DAAM1: variants seen among roughly 807,000 people sequenced by gnomAD.
DAAM1 encodes dishevelled associated activator of morphogenesis 1, also known as disheveled-associated activator of morphogenesis 1.
In DAAM1, 52 loss-of-function variants were observed where a neutral mutation model predicts 130.0. The observed-to-expected ratio is 0.40, with a 90% CI of 0.32 to 0.50. The LOEUF (loss-of-function observed/expected upper bound fraction) is 0.50. DAAM1 is among the 20% of genes least tolerant of loss of function. The pLI is 0.61. For synonymous variants in DAAM1, 452 were observed against 444.5 expected (o/e 1.02, Z -0.21); for missense variants, 1,134 against 1,303.8 (o/e 0.87, Z 2.01).
chr14:59,253,606 T>C (rs145148204), intron 1 of DAAM1, among the ~76,000 whole-genome samples: 95 of 152,354 alleles, frequency 6.2e-4, no homozygotes, highest in Non-Finnish European at 1.9e-4. Flanking sequence ...TTACCAAGTA[T>C]GCCAAGAGCC....
At chr14:59,227,411 C>T (rs769757594) in intron 1 of DAAM1, among the ~76,000 whole-genome samples, 20 of 152,144 alleles carry the variant, frequency 1.3e-4, no homozygotes, top group Non-Finnish European at 2.6e-4. Context: ...TTCACTGAGA[C>T]GGCCATGAGA....
chr14:59,323,049 G>T lies in DAAM1; in HGVS notation c.598G>T (p.Ala200Ser). Residue 200 changes from alanine to serine, a missense_variant, in exon 6 of 25, where the codon GCT becomes TCT. Transcript: ENST00000360909. ...NNSQGRAHVL[A>S]HSESINVIAQ... is the part of the protein sequence containing the mutation. The stretch of plus-strand genomic sequence containing the variant: ...CTCTCAAGGCCGGGCTCACGTCCTG[G>T]CTCATTCTGAGAGTATTAATGTAAT... 3.1e-6 allele frequency: 5 copies of T among 1,614,068 alleles called. No individual in the cohort carries two copies. The highest frequency in any genetic ancestry group is 4.2e-6 in the Non-Finnish European group (5 of 1,179,992).
At chr14:59,224,393 C>T (rs1333077493) in intron 1 of DAAM1, among the ~76,000 whole-genome samples, 1 of 152,230 alleles carries the variant, frequency 6.6e-6, no homozygotes, top group Non-Finnish European at 1.5e-5. Flanking sequence ...GGTGGCACAT[C>T]TCTGTAAACC....
rs773505954 is a variant in DAAM1 at position 59,331,378 on chromosome 14, C to T, written c.1730C>T (p.Pro577Leu). ...PPLPPGGPPP[P>L]PGPPPLGAIM... ...CTCCCTCCAGGTGGCCCTCCTCCTCCCCCAGGGCCTCCTCCCTTAGGGGCA... is the reference window on the plus strand; with the variant it reads ...CTCCCTCCAGGTGGCCCTCCTCCTCTCCCAGGGCCTCCTCCCTTAGGGGCA... The change falls in exon 14 of 25, where the codon CCC becomes CTC. Residue 577 changes from proline (P) to leucine (L), a missense_variant. By Grantham distance (98) the Pro-to-Leu change is moderately conservative (BLOSUM62 -3). Around this residue, in one of 3 missense-constraint regions of DAAM1, gnomAD observed 644 missense variants for 695.9 expected, o/e 0.93. Coordinates refer to ENST00000360909, the MANE Select transcript of DAAM1 (RefSeq NM_001270520.2). 5 of 1,613,110 alleles carry T rather than the reference C, an allele frequency of 3.1e-6. No individual in the cohort carries two copies. In the African/African-American group the frequency reaches 6.7e-5, roughly 22 times the overall value.
At chr14:59,312,808 T>C (rs1472354572) in intron 3 of DAAM1, among the ~76,000 whole-genome samples, 2 of 152,232 alleles carry the variant, frequency 1.3e-5, no homozygotes, top group Non-Finnish European at 2.9e-5. Context: ...GTCAGTGTTC[T>C]TGAAGGCACT....
rs1443782606 is a variant in DAAM1, at chr14:59,331,321, C to T, written c.1673C>T (p.Pro558Leu). The change falls in exon 14 of 25, where the codon CCA becomes CTA. Residue 558 changes from proline (P) to leucine (L), a missense_variant. Coordinates refer to ENST00000360909, the MANE Select transcript of DAAM1 (RefSeq NM_001270520.2). Reference protein sequence around the residue: ...LLPPPPPPPLPGGMLPPPPPP... With the variant: ...LLPPPPPPPLLGGMLPPPPPP... ...CCTCCCCCACCACCCCCACCTCTACCAGGTGGGATGCTTCCCCCTCCACCG... is the reference window on the plus strand; with the variant it reads ...CCTCCCCCACCACCCCCACCTCTACTAGGTGGGATGCTTCCCCCTCCACCG... The T allele has an allele frequency of 6.2e-7, 1 of 1,610,942 alleles. No homozygotes were observed. The highest frequency in any genetic ancestry group is 8.5e-7 in the Non-Finnish European group (1 of 1,178,896).
intron 2 of DAAM1, among the ~76,000 whole-genome samples, chr14:59,277,150 A>G (rs902628177): frequency 1.3e-5 from 2 of 152,226 alleles, no homozygotes; most frequent in African/African-American, 4.8e-5. Context: ...TTTAGCTAAA[A>G]TCTCTGAAAA....
At chr14:59,219,194 C>T (rs1471481476) in intron 1 of DAAM1, among the ~76,000 whole-genome samples, 4 of 152,200 alleles carry the variant, frequency 2.6e-5, no homozygotes, top group Non-Finnish European at 5.9e-5. Flanking sequence ...CAAACTTAAG[C>T]CTGTTCTACA....
At chr14:59,321,781 A>G (rs962433309) in intron 5 of DAAM1, among the ~76,000 whole-genome samples, 3 of 152,246 alleles carry the variant, frequency 2.0e-5, no homozygotes, top group Non-Finnish European at 4.4e-5. Flanking sequence ...GTTATATGAC[A>G]GAGATCTAGA....
intron 1 of DAAM1, among the ~76,000 whole-genome samples, chr14:59,192,492 C>G (rs765794046): frequency 1.3e-5 from 2 of 152,128 alleles, no homozygotes; most frequent in African/African-American, 4.8e-5. Context: ...GGCTTCAAGC[C>G]GTGCTCTGGT....
At position 59,246,015 on chromosome 14, in the gene DAAM1, T is replaced by C. The variant is rs139913564; in HGVS notation, c.-37-17426T>C. On this transcript the variant is annotated intron_variant, in intron 1 of 24. Transcript: ENST00000360909. ...ATCTCTGATTAATTGAGATAATTAA[T>C]GGACTTAAAGTGCATTGAAAGTGCC... Among the ~76,000 whole-genome samples, 469 of 152,356 alleles carry C rather than the reference T, an allele frequency of 3.1e-3. 6 individuals carry two copies. The highest frequency in any genetic ancestry group is 0.01 in the African/African-American group (436 of 41,586).
At chr14:59,286,014 A>G (rs1883436793) in intron 2 of DAAM1, among the ~76,000 whole-genome samples, 2 of 152,132 alleles carry the variant, frequency 1.3e-5, no homozygotes, top group Admixed American at 6.6e-5. Flanking sequence ...TCAACCACAT[A>G]TTCAGCCATA....
intron 1 of DAAM1, among the ~76,000 whole-genome samples, chr14:59,204,025 G>A (rs112403489): frequency 3.9e-4 from 59 of 152,364 alleles, no homozygotes; most frequent in African/African-American, 1.2e-3. Context: ...CTCACTTGGT[G>A]TTGATGGGAT....
At chr14:59,269,521 T>C (rs904387501) in intron 2 of DAAM1, among the ~76,000 whole-genome samples, 4 of 152,366 alleles carry the variant, frequency 2.6e-5, no homozygotes, top group African/African-American at 9.6e-5. Context: ...GCCCCACTTA[T>C]CTGCCGATGA....
chr14:59,199,939 A>G (rs576822242), intron 1 of DAAM1, among the ~76,000 whole-genome samples: 1 of 152,340 alleles, frequency 6.6e-6, no homozygotes, highest in East Asian at 1.9e-4. Context: ...GTTGAGAGCC[A>G]TTTGACAGAG....
At chr14:59,246,285 C>T (rs956110829) in intron 1 of DAAM1, among the ~76,000 whole-genome samples, 1 of 152,128 alleles carries the variant, frequency 6.6e-6, no homozygotes, top group Non-Finnish European at 1.5e-5. Context: ...ACTTTAGATA[C>T]CTCATATAAA....
At chr14:59,363,879 A>G in intron 23 of DAAM1, 97 bp downstream of exon 23, 2 of 1,523,954 alleles carry the variant, frequency 1.3e-6, no homozygotes, top group Non-Finnish European at 1.8e-6. Flanking sequence ...AGCAGGAGTG[A>G]GATCCAAACT....
chr14:59,206,686 C>A lies in DAAM1; in HGVS notation c.-38+17918C>A, dbSNP rs533703187. ...GAATGCCGGGTGTAAACAGTAGATACTCTTTAGGATCAAACTATTTTGAGG... is the reference window on the plus strand; with the variant it reads ...GAATGCCGGGTGTAAACAGTAGATAATCTTTAGGATCAAACTATTTTGAGG... On this transcript the variant is annotated intron_variant, in intron 1 of 24. Coordinates refer to ENST00000360909, the MANE Select transcript of DAAM1 (RefSeq NM_001270520.2). Among the ~76,000 whole-genome samples the A allele has an allele frequency of 1.5e-3, 233 of 152,240 alleles. 2 individuals carry two copies. Among genetic ancestry groups the A allele is most frequent in the African/African-American group, 5.5e-3 (229 of 41,540 alleles).
intron 1 of DAAM1, among the ~76,000 whole-genome samples, chr14:59,190,319 C>T (rs1256221860): frequency 6.6e-6 from 1 of 152,148 alleles, no homozygotes; most frequent in Non-Finnish European, 1.5e-5. Flanking sequence ...GAGGCAAACT[C>T]TGAAAATTAT....
Sources: allele counts gnomAD v4.1 joint callset (sites outside exome capture counted in the v4.1 genomes callset), GRCh38; gene constraint gnomAD v4.1.1; regional missense constraint gnomAD v4.1.1; transcripts MANE v1.5; gene names NCBI Gene and HGNC (gene_info 2026-07-23, HGNC 2026-07-21).